The following TRIM56 variants were observed in gnomAD, a reference collection of about 807,000 sequenced individuals.
TRIM56 encodes the protein E3 ubiquitin-protein ligase TRIM56.
Under a neutral mutation model 17.1 loss-of-function variants are expected in TRIM56, and 10 were observed. That is an observed-to-expected ratio of 0.58 (90% CI 0.36 to 0.99). The LOEUF (loss-of-function observed/expected upper bound fraction) is 0.99. TRIM56 is among the 50% of genes least tolerant of loss of function. The probability of loss-of-function intolerance (pLI) is 0.01; values close to 1 mark genes in which losing one functional copy is unlikely to be tolerated. For missense variants in TRIM56, 923 were observed against 1,052.3 expected, an observed-to-expected ratio of 0.88 and a Z score of 1.70; for synonymous variants, 503 against 473.5, an observed-to-expected ratio of 1.06 and a Z score of -0.81.
At position 101,094,822 on chromosome 7, in the gene TRIM56, G is replaced by T. The variant is rs1352510696; in HGVS notation, c.*5242G>T. On this transcript the variant is annotated 3_prime_UTR_variant, in exon 3 of 3. Coordinates refer to ENST00000306085, the MANE Select transcript of TRIM56 (RefSeq NM_030961.3). ...GAATAGGGATCAGCTACATGGGGGC[G>T]GGGGGAGGGGGGCAGGGAACGGTGT... 1 of 132,026 alleles carries T rather than the reference G, an allele frequency of 7.6e-6. No individual in the cohort carries two copies. Among genetic ancestry groups the T allele is most frequent in the East Asian group, 2.8e-4 (1 of 3,628 alleles). The allele number at this position is 132,026 out of a possible 1,614,324, so 8.2% of individuals were successfully genotyped here.
chr7:101,093,340 T>TAAAAAAAAA lies in TRIM56; in HGVS notation c.*3771_*3779dup, dbSNP rs576426651. Reference sequence around the variant, plus strand: ...CACCCAAGAATGATCAATAAAAAATTAAAAAAAAAAAAAAAAAAAGAAAAC... The same window carrying TAAAAAAAAA: ...CACCCAAGAATGATCAATAAAAAATTAAAAAAAAAAAAAAAAAAAAAAAAAAAAGAAAAC... On this transcript the variant is annotated 3_prime_UTR_variant, in exon 3 of 3. Transcript: ENST00000306085. The TAAAAAAAAA allele has an allele frequency of 4.4e-5, 4 of 90,846 alleles. No homozygotes were observed. Among genetic ancestry groups the TAAAAAAAAA allele is most frequent in the Admixed American group, 1.2e-4 (1 of 8,214 alleles). The allele number at this position is 90,846 out of a possible 1,614,324, so 5.6% of individuals were successfully genotyped here.
intron 2 of TRIM56, 30 bp from the exon 3 acceptor site, chr7:101,087,282 C>T (rs938021431): frequency 6.3e-7 from 1 of 1,586,892 alleles, no homozygotes; most frequent in Non-Finnish European, 8.6e-7. Flanking sequence ...GGTGCCTTCT[C>T]AACTCTGATC....
Position 101,087,535 on chromosome 7 carries a change from A to G in TRIM56, c.223A>G (p.Thr75Ala). Residue 75 changes from threonine (T) to alanine (A), a missense_variant, in exon 3 of 3, where the codon ACC (threonine) becomes GCC (alanine). By Grantham distance (58) the Thr-to-Ala change is moderately conservative. Transcript: ENST00000306085. The stretch of plus-strand genomic sequence containing the variant: ...GCCCGAGGGTGTGGCCTCCTTCAAG[A>G]CCAACTTCTTCGTCAATGGGCTGCT... The part of the protein sequence containing the change: ...VPPEGVASFK[T>A]NFFVNGLLDL... The G allele has an allele frequency of 6.2e-7, 1 of 1,613,166 alleles. No homozygotes were observed. The highest frequency in any genetic ancestry group is 8.5e-7 in the Non-Finnish European group (1 of 1,179,582).
In TRIM56 at chr7:101,087,990, C is replaced by G. The variant is rs764838945; in HGVS notation, c.678C>G (p.Asn226Lys). ...GACTGCTGGCCGGTGTGGACAATAA[C>G]CTGGTGGAGCTGGAGGCAGCGCGGA... Reference protein sequence around the residue: ...LEGLLAGVDNNLVELEAARRV... With the variant: ...LEGLLAGVDNKLVELEAARRV... The change falls in exon 3 of 3, where the codon AAC becomes AAG. Residue 226 changes from asparagine to lysine, a missense_variant. Transcript: ENST00000306085. The G allele has an allele frequency of 2.5e-6, 4 of 1,590,116 alleles. No individual in the cohort carries two copies. In the East Asian group the frequency reaches 9.0e-5, roughly 36 times the overall value.
At position 101,088,706 on chromosome 7, in the gene TRIM56, G is replaced by T. The variant is rs1226886108; in HGVS notation, c.1394G>T (p.Gly465Val). ...GRPNKKKKFKGRLKSISREPS... is the reference protein window; with the variant it reads ...GRPNKKKKFKVRLKSISREPS... ...CCCAACAAGAAGAAAAAGTTCAAAG[G>T]CAGGCTCAAGTCAATTTCCCGGGAG... The change falls in exon 3 of 3, where the codon GGC (glycine) becomes GTC (valine). Residue 465 changes from glycine to valine, a missense_variant. Coordinates refer to ENST00000306085, the MANE Select transcript of TRIM56 (RefSeq NM_030961.3). 6.2e-7 allele frequency: 1 copy of T among 1,614,026 alleles called. No homozygotes were observed. The highest frequency in any genetic ancestry group is 8.5e-7 in the Non-Finnish European group (1 of 1,179,986).
At position 101,096,420 on chromosome 7, in the gene TRIM56, A is replaced by G. The variant is rs1795654575; in HGVS notation, c.*6840A>G. 1 of 152,174 alleles carries G rather than the reference A, an allele frequency of 6.6e-6. No homozygotes were observed. The highest frequency in any genetic ancestry group is 2.1e-4 in the South Asian group (1 of 4,822). 9.4% of individuals were successfully genotyped at this position (152,174 alleles called of 1,614,324 possible). The stretch of plus-strand genomic sequence containing the variant: ...CTCTTTCGTATTCTTGGTGTCAAGA[A>G]ATGGGAAGAGAATGAGGGAGCAGAG... On this transcript the variant is annotated 3_prime_UTR_variant, in exon 3 of 3. Transcript: ENST00000306085.
intron 2 of TRIM56, 29 bp from the exon 3 acceptor site, chr7:101,087,283 A>G (rs1056827250): frequency 1.3e-6 from 2 of 1,589,242 alleles, no homozygotes; most frequent in Admixed American, 1.7e-5. Flanking sequence ...GTGCCTTCTC[A>G]ACTCTGATCC....
Position 101,088,280 on chromosome 7 carries a change from C to G in TRIM56, c.968C>G (p.Ser323Cys). The change falls in exon 3 of 3, where the codon TCC (serine) becomes TGC (cysteine). Residue 323 changes from serine (S) to cysteine (C), a missense_variant. By Grantham distance (112) the Ser-to-Cys change is moderately radical. This residue lies in a region of TRIM56 where 643 missense variants were observed against 665.6 expected (regional missense o/e 0.97). Coordinates refer to ENST00000306085, the MANE Select transcript of TRIM56 (RefSeq NM_030961.3). ...LSLGREAEIL[S>C]LEGAIAQRLR... ...CTGGGGCGAGAGGCCGAGATCCTCT[C>G]CCTGGAAGGGGCGATCGCACAGCGG... 4 of 1,518,982 alleles carry G rather than the reference C, an allele frequency of 2.6e-6. No individual in the cohort carries two copies. The highest frequency in any genetic ancestry group is 3.5e-6 in the Non-Finnish European group (4 of 1,139,156). The allele number at this position is 1,518,982 out of a possible 1,614,324, so 94.1% of individuals were successfully genotyped here. A position where few individuals can be genotyped will look rare whatever the true frequency, so the allele number is the denominator to read the frequency against.
rs1584892846 is a variant in TRIM56, at chr7:101,094,078, C to T, written c.*4498C>T. 2 of 152,306 alleles carry T rather than the reference C, an allele frequency of 1.3e-5. No homozygotes were observed. The highest frequency in any genetic ancestry group is 1.3e-4 in the Admixed American group (2 of 15,282). 9.4% of individuals were successfully genotyped at this position (152,306 alleles called of 1,614,324 possible). On this transcript the variant is annotated 3_prime_UTR_variant, in exon 3 of 3. Coordinates refer to ENST00000306085, the MANE Select transcript of TRIM56 (RefSeq NM_030961.3). ...TTGCATACAGACATTTGAGGCTGCT[C>T]TGTATATTACAGGCAAGAACTGGAA...
In TRIM56 at chr7:101,091,093, G is replaced by A. The variant is rs1795556990; in HGVS notation, c.*1513G>A. On this transcript the variant is annotated 3_prime_UTR_variant, in exon 3 of 3. Coordinates refer to ENST00000306085, the MANE Select transcript of TRIM56 (RefSeq NM_030961.3). ...CAGAAGGGAGGAACCCGTCGGAGGT[G>A]GGCTGTGACCACCGGACCTTTTCAT... is the stretch of plus-strand genomic sequence containing the variant. The A allele has an allele frequency of 6.6e-6, 1 of 152,122 alleles. No homozygotes were observed. Among genetic ancestry groups the A allele is most frequent in the Admixed American group, 6.6e-5 (1 of 15,234 alleles). The allele number at this position is 152,122 out of a possible 1,614,324, so 9.4% of individuals were successfully genotyped here.
chr7:101,092,376 T>C lies in TRIM56; in HGVS notation c.*2796T>C, dbSNP rs2116540496. On this transcript the variant is annotated 3_prime_UTR_variant, in exon 3 of 3. Coordinates refer to ENST00000306085, the MANE Select transcript of TRIM56 (RefSeq NM_030961.3). ...CTGCCCGGCTGCCCATCATCTGAGA[T>C]GTGGGGAGCACCTCAGCCCCGCCGC... 5.8e-6 allele frequency: 1 copy of C among 171,762 alleles called. No homozygotes were observed. The highest frequency in any genetic ancestry group is 6.2e-5 in the Admixed American group (1 of 16,044). 10.6% of individuals were successfully genotyped at this position (171,762 alleles called of 1,614,324 possible).
Position 101,096,042 on chromosome 7 carries a change from AGCCAGGCGTGGTG to A in TRIM56, c.*6465_*6477del. 1 of 152,332 alleles carries A rather than the reference AGCCAGGCGTGGTG, an allele frequency of 6.6e-6. No individual in the cohort carries two copies. The highest frequency in any genetic ancestry group is 1.9e-4 in the East Asian group (1 of 5,174). The allele number at this position is 152,332 out of a possible 1,614,324, so 9.4% of individuals were successfully genotyped here. ...CATCTCTACTAAAAATACAAAAATT[AGCCAGGCGTGGTG>A]GCACATGCCTGTAATCCCAGCTACT... is the stretch of plus-strand genomic sequence containing the variant. On this transcript the variant is annotated 3_prime_UTR_variant, in exon 3 of 3. Coordinates refer to ENST00000306085, the MANE Select transcript of TRIM56 (RefSeq NM_030961.3).
In TRIM56 at chr7:101,087,414, G is replaced by A. The variant is rs1795467307; in HGVS notation, c.102G>A (p.Leu34=). 6.2e-7 allele frequency: 1 copy of A among 1,612,766 alleles called. No individual in the cohort carries two copies. Among genetic ancestry groups the A allele is most frequent in the Non-Finnish European group, 8.5e-7 (1 of 1,179,996 alleles). The change falls in exon 3 of 3, where the codon CTG becomes CTA. Residue 34 remains leucine (L), a synonymous_variant. Transcript: ENST00000306085. ...CLEQLRAPKT[L]PCLHTYCQDC... ...AGCAGCTGCGGGCACCCAAGACACTGCCCTGCCTGCATACCTACTGCCAAG... is the reference window on the plus strand; with the variant it reads ...AGCAGCTGCGGGCACCCAAGACACTACCCTGCCTGCATACCTACTGCCAAG...
rs766907351 is a variant in TRIM56 at position 101,087,358 on chromosome 7, A to G, written c.46A>G (p.Ser16Gly). ...GCCCTCCCTCCTGGAGGCCCTGAGC[A>G]GCGACTTCCTGGCCTGTAAAATCTG... is the stretch of plus-strand genomic sequence containing the variant. ...SSPSLLEALS[S>G]DFLACKICLE... The change falls in exon 3 of 3, where the codon AGC (serine) becomes GGC (glycine). Residue 16 changes from serine to glycine, a missense_variant. By Grantham distance (56) the Ser-to-Gly change is moderately conservative. Transcript: ENST00000306085. The G allele has an allele frequency of 2.5e-6, 4 of 1,613,068 alleles. No homozygotes were observed. Among genetic ancestry groups the G allele is most frequent in the Non-Finnish European group, 3.4e-6 (4 of 1,180,000 alleles).
rs1007922537 is a variant in TRIM56 at position 101,096,754 on chromosome 7, C to T, written c.*7174C>T. The stretch of plus-strand genomic sequence containing the variant: ...TTGTGAGTGAAAGCTCTGGAACACC[C>T]GAGTAGAGCTTTCTGCAAATCAGCT... On this transcript the variant is annotated 3_prime_UTR_variant, in exon 3 of 3. Coordinates refer to ENST00000306085, the MANE Select transcript of TRIM56 (RefSeq NM_030961.3). 6 of 152,134 alleles carry T rather than the reference C, an allele frequency of 3.9e-5. No individual in the cohort carries two copies. Among genetic ancestry groups the T allele is most frequent in the South Asian group, 2.1e-4 (1 of 4,818 alleles). The allele number at this position is 152,134 out of a possible 1,614,324, so 9.4% of individuals were successfully genotyped here.
rs1171461036 is a variant in TRIM56 at position 101,088,222 on chromosome 7, G to A, written c.910G>A (p.Ala304Thr). 1 of 1,464,316 alleles carries A rather than the reference G, an allele frequency of 6.8e-7. No individual in the cohort carries two copies. Among genetic ancestry groups the A allele is most frequent in the Non-Finnish European group, 9.0e-7 (1 of 1,113,658 alleles). The allele number at this position is 1,464,316 out of a possible 1,614,324, so 90.7% of individuals were successfully genotyped here. Reference protein sequence around the residue: ...ELEGREQVARAAAAFARRVLS... With the variant: ...ELEGREQVARTAAAFARRVLS... Reference sequence around the variant, plus strand: ...TGAGGGCCGGGAGCAGGTGGCCAGGGCCGCAGCCGCCTTCGCCCGCCGGGT... The same window carrying A: ...TGAGGGCCGGGAGCAGGTGGCCAGGACCGCAGCCGCCTTCGCCCGCCGGGT... Residue 304 changes from alanine (A) to threonine (T), a missense_variant, in exon 3 of 3, where the codon GCC becomes ACC. By Grantham distance (58) the Ala-to-Thr change is moderately conservative. Coordinates refer to ENST00000306085, the MANE Select transcript of TRIM56 (RefSeq NM_030961.3).
rs182043412 is a variant in TRIM56 at position 101,092,609 on chromosome 7, G to T, written c.*3029G>T. 3.7e-3 allele frequency: 423 copies of T among 114,728 alleles called. 3 individuals carry two copies. Among genetic ancestry groups the T allele is most frequent in the African/African-American group, 0.017 (305 of 18,450 alleles). 7.1% of individuals were successfully genotyped at this position (114,728 alleles called of 1,614,324 possible). ...CAGCCCCCTCCCGGCCAGCCGCGCCGTCCGGGAGGGAGGTGGGGGGTCAGC... is the reference window on the plus strand; with the variant it reads ...CAGCCCCCTCCCGGCCAGCCGCGCCTTCCGGGAGGGAGGTGGGGGGTCAGC... On this transcript the variant is annotated 3_prime_UTR_variant, in exon 3 of 3. Transcript: ENST00000306085.
chr7:101,090,394 GCAGGAGGATTGCTTGAGGC>G lies in TRIM56; in HGVS notation c.*821_*839del. On this transcript the variant is annotated 3_prime_UTR_variant, in exon 3 of 3. Coordinates refer to ENST00000306085, the MANE Select transcript of TRIM56 (RefSeq NM_030961.3). Reference sequence around the variant, plus strand: ...AATCCCGGCACTTTGGGAGTCTGTGGCAGGAGGATTGCTTGAGGCCAGGAGTTTGAGACCAGCCTGGGCA... The same window carrying G: ...AATCCCGGCACTTTGGGAGTCTGTGGCAGGAGTTTGAGACCAGCCTGGGCA... 6.1e-6 allele frequency: 1 copy of G among 164,382 alleles called. No individual in the cohort carries two copies. Among genetic ancestry groups the G allele is most frequent in the Non-Finnish European group, 1.5e-5 (1 of 68,264 alleles). 10.2% of individuals were successfully genotyped at this position (164,382 alleles called of 1,614,324 possible). A position where few individuals can be genotyped will look rare whatever the true frequency, so the allele number is the denominator to read the frequency against.
At position 101,087,630 on chromosome 7, in the gene TRIM56, G is replaced by A. The variant is rs112132756; in HGVS notation, c.318G>A (p.Leu106=). 2 of 1,611,260 alleles carry A rather than the reference G, an allele frequency of 1.2e-6. No individual in the cohort carries two copies. Among genetic ancestry groups the A allele is most frequent in the Non-Finnish European group, 8.5e-7 (1 of 1,179,118 alleles). Residue 106 remains leucine (L), a synonymous_variant, in exon 3 of 3, where the codon CTG becomes CTA. Coordinates refer to ENST00000306085, the MANE Select transcript of TRIM56 (RefSeq NM_030961.3). ...AGCCAGCCTGTGCCCTGTGTCCCCTGGTGGGTGGCACCAGCACCGGGGGGC... is the reference window on the plus strand; with the variant it reads ...AGCCAGCCTGTGCCCTGTGTCCCCTAGTGGGTGGCACCAGCACCGGGGGGC... ...AGKPACALCP[L]VGGTSTGGPA...
Sources: allele counts gnomAD v4.1 joint callset, GRCh38; gene constraint gnomAD v4.1.1; regional missense constraint gnomAD v4.1.1; transcripts MANE v1.5; gene names NCBI Gene and HGNC (gene_info 2026-07-23, HGNC 2026-07-21).